Variants in LARGE1 observed in about 807,000 individuals in gnomAD.
LARGE1 encodes the protein xylosyl- and glucuronyltransferase LARGE1.
Under a neutral mutation model 87.6 loss-of-function variants are expected in LARGE1, and 43 were observed. That is an observed-to-expected ratio of 0.49 (90% confidence interval 0.38 to 0.63). The LOEUF (loss-of-function observed/expected upper bound fraction) is 0.63. LARGE1 is among the 30% of genes least tolerant of loss of function. The probability of loss-of-function intolerance (pLI) is 0.00; values close to 1 mark genes in which losing one functional copy is unlikely to be tolerated. For synonymous variants in LARGE1, 434 were observed against 394.6 expected (o/e 1.10, Z -1.18); for missense variants, 802 against 1,000.2 (o/e 0.80, Z 2.67).
chr22:33,066,756 G>C, the LARGE1 span, among the ~76,000 whole-genome samples: 1 of 152,174 alleles, frequency 6.6e-6, no homozygotes, highest in African/African-American at 2.4e-5. Context: ...ATTCTAAGCA[G>C]AGGCAAGTAG....
chr22:33,594,739 T>C (rs1286489716), intron 5 of LARGE1, among the ~76,000 whole-genome samples: 2 of 152,216 alleles, frequency 1.3e-5, no homozygotes, highest in Admixed American at 1.3e-4. Context: ...CCCAAGTAGC[T>C]GGGATTACAG....
At chr22:33,111,361 T>C in the LARGE1 span, among the ~76,000 whole-genome samples, 1 of 152,148 alleles carries the variant, frequency 6.6e-6, no homozygotes, top group Non-Finnish European at 1.5e-5. Context: ...TTGCTAAGGA[T>C]GTATCATCTT....
intron 2 of LARGE1, among the ~76,000 whole-genome samples, chr22:33,744,991 G>C (rs2084026474): frequency 6.6e-6 from 1 of 152,156 alleles, no homozygotes; most frequent in Non-Finnish European, 1.5e-5. Flanking sequence ...AAGTGCTTTA[G>C]AGCAGCACAC....
At chr22:33,628,976 A>G (rs908277681) in intron 3 of LARGE1, among the ~76,000 whole-genome samples, 1 of 152,218 alleles carries the variant, frequency 6.6e-6, no homozygotes, top group Non-Finnish European at 1.5e-5. Context: ...GGTCAAGAGC[A>G]GTGCTGTTAG....
intron 6 of LARGE1, among the ~76,000 whole-genome samples, chr22:33,554,216 T>G (rs28669789): frequency 1.2e-4 from 19 of 152,058 alleles, no homozygotes; most frequent in Admixed American, 1.2e-3. Flanking sequence ...CCAGTCTTTG[T>G]GCTTGCTGAT....
chr22:33,636,349 T>A (rs917562433), intron 3 of LARGE1, among the ~76,000 whole-genome samples: 1 of 152,066 alleles, frequency 6.6e-6, no homozygotes, highest in Non-Finnish European at 1.5e-5. Context: ...TCAACAATGA[T>A]CAGTGTAGCG....
intron 2 of LARGE1, among the ~76,000 whole-genome samples, chr22:33,671,839 T>C (rs1185404211): frequency 6.6e-6 from 1 of 152,168 alleles, no homozygotes; most frequent in African/African-American, 2.4e-5. Flanking sequence ...ATTCAAAAAA[T>C]TGCAACCTCC....
chr22:33,677,541 T>C, intron 2 of LARGE1, among the ~76,000 whole-genome samples: 1 of 152,126 alleles, frequency 6.6e-6, no homozygotes. Context: ...ATCTCCTCTC[T>C]CCTTCTTTCT....
chr22:33,760,229 C>T (rs2084671977), intron 2 of LARGE1, among the ~76,000 whole-genome samples: 2 of 152,154 alleles, frequency 1.3e-5, no homozygotes, highest in South Asian at 4.1e-4. Context: ...TCACCACTGC[C>T]GTTCCCTCTC....
chr22:33,212,713 A>G (rs1320912055), intron 11 of LARGE1, among the ~76,000 whole-genome samples: 1 of 152,238 alleles, frequency 6.6e-6, no homozygotes, highest in Non-Finnish European at 1.5e-5. Context: ...TCACCGTTCT[A>G]GATACTATTA....
At chr22:33,516,563 G>A (rs1468679129) in intron 6 of LARGE1, among the ~76,000 whole-genome samples, 1 of 151,944 alleles carries the variant, frequency 6.6e-6, no homozygotes, top group African/African-American at 2.4e-5. Flanking sequence ...ATGATGGGGT[G>A]GAAGCCTCCC....
intron 2 of LARGE1, among the ~76,000 whole-genome samples, chr22:33,703,355 G>GAAAAAAAAAAAAA (rs780406393): frequency 1.7e-4 from 15 of 86,532 alleles, no homozygotes; most frequent in Non-Finnish European, 2.5e-4. Flanking sequence ...AGCCTAAAGT[G>GAAAAAAAAAAAAA]AAAAAAAAAA....
chr22:33,498,028 G>A (rs1476282107), intron 6 of LARGE1, among the ~76,000 whole-genome samples: 1 of 152,072 alleles, frequency 6.6e-6, no homozygotes, highest in African/African-American at 2.4e-5. Context: ...GATTACAGAC[G>A]TGTAACACCA....
chr22:33,857,973 C>T (rs1601791846), intron 1 of LARGE1, among the ~76,000 whole-genome samples: 1 of 152,142 alleles, frequency 6.6e-6, no homozygotes. Flanking sequence ...GGCGGCCGGT[C>T]GCTTCCAAGA....
intron 1 of LARGE1, among the ~76,000 whole-genome samples, chr22:33,823,726 G>C (rs1463991575): frequency 6.6e-6 from 1 of 152,178 alleles, no homozygotes; most frequent in East Asian, 1.9e-4. Flanking sequence ...CCCATAGATA[G>C]TGAGGAATTT....
At chr22:33,086,552 T>A in the LARGE1 span, among the ~76,000 whole-genome samples, 1 of 144,078 alleles carries the variant, frequency 6.9e-6, no homozygotes, top group African/African-American at 2.5e-5. Flanking sequence ...TCTTCTACTT[T>A]TTTTTTTTTT....
intron 6 of LARGE1, among the ~76,000 whole-genome samples, chr22:33,461,018 C>A (rs1053541861): frequency 6.6e-6 from 1 of 152,012 alleles, no homozygotes; most frequent in Non-Finnish European, 1.5e-5. Context: ...AACCTGGCCT[C>A]AAAGATAAAT....
chr22:33,087,014 G>T, the LARGE1 span, among the ~76,000 whole-genome samples: 1 of 152,018 alleles, frequency 6.6e-6, no homozygotes, highest in Non-Finnish European at 1.5e-5. Context: ...CCAAGTATTT[G>T]CTATAAATGT....
intron 3 of LARGE1, among the ~76,000 whole-genome samples, chr22:33,636,074 T>G (rs879687561): frequency 5.9e-5 from 9 of 152,210 alleles, no homozygotes; most frequent in Admixed American, 3.3e-4. Flanking sequence ...TTTTCTATCC[T>G]GCATATCCCA....
Sources: allele counts gnomAD v4.1 joint callset (sites outside exome capture counted in the v4.1 genomes callset), GRCh38; gene constraint gnomAD v4.1.1; transcripts MANE v1.5; gene names NCBI Gene and HGNC (gene_info 2026-07-23, HGNC 2026-07-21).